Variants in REEP1 observed in about 807,000 individuals in gnomAD.
REEP1 encodes receptor expression-enhancing protein 1.
In REEP1, 22 loss-of-function variants were observed where a neutral mutation model predicts 40.3. The ratio of observed to expected loss-of-function variants is 0.55; its 90% confidence interval spans 0.39 to 0.78. The LOEUF is 0.78. Among genes scored for constraint, REEP1 ranks in the 30% least tolerant of loss-of-function variants. The probability of loss-of-function intolerance (pLI) is 0.00; values close to 1 mark genes in which losing one functional copy is unlikely to be tolerated. For missense variants in REEP1, 280 were observed against 361.1 expected (o/e 0.78, Z 1.82); for synonymous variants, 116 against 139.2 (o/e 0.83, Z 1.17).
intron 1 of REEP1, among the ~76,000 whole-genome samples, chr2:86,325,448 A>G (rs1327472067): frequency 1.3e-5 from 2 of 152,204 alleles, no homozygotes; most frequent in Non-Finnish European, 2.9e-5. Context: ...ATGTTACCTT[A>G]TAAGGTAAAA....
rs148176862 is a variant in REEP1, at chr2:86,281,831, G to A, written c.105+339C>T. Reference sequence around the variant, plus strand: ...CGATGCTGGACTTTTTCTCCATCACGGTGCTTTAAGGTCTACAGAGTGTTT... The same window carrying A: ...CGATGCTGGACTTTTTCTCCATCACAGTGCTTTAAGGTCTACAGAGTGTTT... On this transcript the variant is annotated intron_variant, in intron 2 of 8. Coordinates refer to ENST00000538924, the MANE Select transcript of REEP1 (RefSeq NM_001371279.1). Among the ~76,000 whole-genome samples, 300 of 152,222 alleles carry A rather than the reference G, an allele frequency of 2.0e-3. 4 individuals are homozygous for A. Among genetic ancestry groups the A allele is most frequent in the African/African-American group, 6.9e-3 (288 of 41,522 alleles).
At chr2:86,314,767 G>C (rs774042884) in intron 1 of REEP1, among the ~76,000 whole-genome samples, 16 of 147,976 alleles carry the variant, frequency 1.1e-4, no homozygotes, top group Non-Finnish European at 1.8e-4. Context: ...TGGGAGGATT[G>C]ATTGAGCCCA....
chr2:86,295,831 G>A (rs561462531), intron 1 of REEP1, among the ~76,000 whole-genome samples: 7 of 152,252 alleles, frequency 4.6e-5, no homozygotes, highest in East Asian at 1.9e-4. Context: ...GAGCCACCGC[G>A]CCCAGCCCAC....
intron 1 of REEP1, among the ~76,000 whole-genome samples, chr2:86,315,695 T>C (rs1370077434): frequency 6.6e-6 from 1 of 152,192 alleles, no homozygotes; most frequent in African/African-American, 2.4e-5. Flanking sequence ...TGGTTTTGGA[T>C]AGCCCACAGG....
At chr2:86,221,321 G>A (rs190317526) in intron 7 of REEP1, among the ~76,000 whole-genome samples, 1 of 152,340 alleles carries the variant, frequency 6.6e-6, no homozygotes, top group East Asian at 1.9e-4. Context: ...TTAGGCTGGG[G>A]TGTGATTGGT....
At chr2:86,248,126 T>G (rs74727418) in intron 5 of REEP1, among the ~76,000 whole-genome samples, 4,124 of 152,288 alleles carry the variant, frequency 0.027, 99 homozygotes, top group Non-Finnish European at 0.038. Flanking sequence ...ATCCCATCGT[T>G]TTATCCCAGC....
chr2:86,317,052 C>T (rs545110200), intron 1 of REEP1, among the ~76,000 whole-genome samples: 2 of 152,138 alleles, frequency 1.3e-5, no homozygotes, highest in Admixed American at 6.5e-5. Context: ...TGACAGGAGG[C>T]GGTCGAGGGT....
intron 1 of REEP1, among the ~76,000 whole-genome samples, 157 bp from the exon 2 acceptor site, chr2:86,282,399 G>A (rs866367759): frequency 5.9e-5 from 9 of 152,206 alleles, no homozygotes; most frequent in East Asian, 1.9e-4. Flanking sequence ...TGTTCTGCTC[G>A]TGGCTGGGGC....
At chr2:86,238,749 GC>G (rs1324793755) in intron 5 of REEP1, among the ~76,000 whole-genome samples, 2 of 152,202 alleles carry the variant, frequency 1.3e-5, no homozygotes, top group Non-Finnish European at 2.9e-5. Flanking sequence ...AGAGGAGACT[GC>G]GCTTGAACTT....
At chr2:86,337,655 C>A (rs1454166098), upstream of REEP1, 9 of 1,030,346 alleles carry the variant, frequency 8.7e-6, no homozygotes, top group Non-Finnish European at 1.0e-5. The surrounding 1 kb of genome is among the most constrained non-coding windows in gnomAD (Gnocchi z 5.8). Context: ...GCCCGGCGTT[C>A]GCGCGTTGGC....
intron 1 of REEP1, among the ~76,000 whole-genome samples, chr2:86,292,874 G>A (rs981038092): frequency 2.6e-5 from 4 of 152,070 alleles, no homozygotes; most frequent in African/African-American, 9.7e-5. Flanking sequence ...CTCTGCCAGG[G>A]CCCAGCCAAC....
At position 86,214,534 on chromosome 2, in the gene REEP1, G is replaced by C. The variant is rs1674001411; in HGVS notation, c.*2505C>G. 6.6e-6 allele frequency: 1 copy of C among 152,656 alleles called. No individual in the cohort carries two copies. The highest frequency in any genetic ancestry group is 1.5e-5 in the Non-Finnish European group (1 of 68,040). 9.5% of individuals were successfully genotyped at this position (152,656 alleles called of 1,614,324 possible). A position where few individuals can be genotyped will look rare whatever the true frequency, so the allele number is the denominator to read the frequency against. ...AGCATTTTGTAAACAGCCTGTGTCT[G>C]TAAGTCAGCAAATTAAAAACATTCA... is the stretch of plus-strand genomic sequence containing the variant. On this transcript the variant is annotated 3_prime_UTR_variant, in exon 9 of 9. Transcript: ENST00000538924.
intron 1 of REEP1, among the ~76,000 whole-genome samples, chr2:86,323,811 C>A (rs1000027653): frequency 1.3e-5 from 2 of 152,202 alleles, no homozygotes; most frequent in East Asian, 1.9e-4. Context: ...GGCAGGCAGA[C>A]GAACTATTCA....
At chr2:86,266,358 G>A (rs895464665) in intron 2 of REEP1, among the ~76,000 whole-genome samples, 4 of 152,208 alleles carry the variant, frequency 2.6e-5, no homozygotes, top group South Asian at 2.1e-4. Flanking sequence ...GGTGGCTCAC[G>A]CCTGTAATCC....
intron 1 of REEP1, among the ~76,000 whole-genome samples, chr2:86,291,612 C>T (rs1291087487): frequency 2.0e-5 from 3 of 152,088 alleles, no homozygotes; most frequent in Non-Finnish European, 1.5e-5. Context: ...TGTACCCCTC[C>T]GAGACAATGG....
chr2:86,222,367 C>T (rs1265866608), intron 7 of REEP1, among the ~76,000 whole-genome samples: 1 of 152,158 alleles, frequency 6.6e-6, no homozygotes, highest in Non-Finnish European at 1.5e-5. Flanking sequence ...CCAGTGTGGG[C>T]AGTGAGGGAG....
At chr2:86,326,715 A>G (rs1318742594) in intron 1 of REEP1, among the ~76,000 whole-genome samples, 1 of 151,948 alleles carries the variant, frequency 6.6e-6, no homozygotes, top group Non-Finnish European at 1.5e-5. Flanking sequence ...TCCATCTCAA[A>G]AAAAAAATAA....
At chr2:86,298,459 A>G (rs1169314940) in intron 1 of REEP1, among the ~76,000 whole-genome samples, 1 of 152,228 alleles carries the variant, frequency 6.6e-6, no homozygotes, top group African/African-American at 2.4e-5. Flanking sequence ...ATGGGTGTGT[A>G]ACACTGTTCT....
chr2:86,263,082 T>C (rs1558897888), intron 3 of REEP1, among the ~76,000 whole-genome samples: 1 of 152,216 alleles, frequency 6.6e-6, no homozygotes, highest in Non-Finnish European at 1.5e-5. Context: ...AAAAATTAGG[T>C]AGATGTATTT....
Sources: gnomAD v4.1 joint callset for allele counts (sites outside exome capture counted in the v4.1 genomes callset) on GRCh38, gnomAD v4.1.1 for gene constraint, Gnocchi (gnomAD v3.1) non-coding constraint, MANE v1.5 for transcripts, NCBI Gene and HGNC (gene_info 2026-07-23, HGNC 2026-07-21) for gene names.